The following ALDH1A2 variants were observed in gnomAD, a reference collection of about 807,000 sequenced individuals.
ALDH1A2 encodes retinal dehydrogenase 2.
ALDH1A2 carries 27 observed loss-of-function variants against 60.3 expected under a neutral mutation model. The observed-to-expected ratio is 0.45, with a 90% CI of 0.33 to 0.62. The LOEUF (loss-of-function observed/expected upper bound fraction) is 0.62. Among genes scored for constraint, ALDH1A2 ranks in the 20% least tolerant of loss-of-function variants. The probability of loss-of-function intolerance (pLI) is 0.02; values close to 1 mark genes in which losing one functional copy is unlikely to be tolerated. For missense variants in ALDH1A2, 581 were observed against 643.8 expected (o/e 0.90, Z 1.06); for synonymous variants, 289 against 232.4 (o/e 1.24, Z -2.21).
In ALDH1A2 at chr15:58,010,630, G is replaced by C; in HGVS notation, c.493+19C>G. ...GTGGTTTCACGTTTTCCTTTTCAACGTACTCAGATTTCACATACCTACAGG... is the reference window on the plus strand; with the variant it reads ...GTGGTTTCACGTTTTCCTTTTCAACCTACTCAGATTTCACATACCTACAGG... On this transcript the variant is annotated intron_variant, in intron 4 of 12. Coordinates refer to ENST00000249750, the MANE Select transcript of ALDH1A2 (RefSeq NM_003888.4). 1.2e-6 allele frequency: 2 copies of C among 1,611,472 alleles called. No homozygotes were observed. Among genetic ancestry groups the C allele is most frequent in the Non-Finnish European group, 1.7e-6 (2 of 1,178,192 alleles).
At chr15:57,977,023 GCTT>G (rs1213949920) in intron 7 of ALDH1A2, among the ~76,000 whole-genome samples, 1 of 151,592 alleles carries the variant, frequency 6.6e-6, no homozygotes, top group Non-Finnish European at 1.5e-5. Flanking sequence ...GTAATGATGA[GCTT>G]TTTTTCATGT....
chr15:57,982,205 A>G (rs1490992867), intron 7 of ALDH1A2, among the ~76,000 whole-genome samples: 1 of 152,192 alleles, frequency 6.6e-6, no homozygotes, highest in Non-Finnish European at 1.5e-5. Context: ...CTCACAATCC[A>G]TGAGGTAGGT....
intron 4 of ALDH1A2, among the ~76,000 whole-genome samples, chr15:58,006,449 A>G (rs1895461698): frequency 6.6e-6 from 1 of 151,936 alleles, no homozygotes; most frequent in African/African-American, 2.4e-5. Context: ...ATATTTTTGC[A>G]GTTTCAAATT....
intron 10 of ALDH1A2, 119 bp from the exon 11 acceptor site, chr15:57,961,413 C>T: frequency 7.9e-7 from 1 of 1,266,796 alleles, no homozygotes; most frequent in Non-Finnish European, 1.1e-6. Flanking sequence ...TTTAGCAGTA[C>T]AAAACTGTAA....
intron 12 of ALDH1A2, among the ~76,000 whole-genome samples, chr15:57,958,828 A>T (rs370811735): frequency 1.3e-5 from 2 of 151,560 alleles, no homozygotes; most frequent in South Asian, 2.1e-4. Flanking sequence ...AGACAAACAA[A>T]CAAACAAACA....
At chr15:57,967,355 C>G (rs1351766350) in intron 7 of ALDH1A2, among the ~76,000 whole-genome samples, 1 of 152,128 alleles carries the variant, frequency 6.6e-6, no homozygotes, top group Admixed American at 6.5e-5. Context: ...GCCTGGCACA[C>G]AGTAAGTGTG....
At chr15:58,058,544 G>A (rs1896950964) in intron 1 of ALDH1A2, among the ~76,000 whole-genome samples, 1 of 150,050 alleles carries the variant, frequency 6.7e-6, no homozygotes, top group African/African-American at 2.4e-5. Context: ...TGAAAATAAT[G>A]TAAAATAAAA....
At chr15:58,010,524 C>A in intron 4 of ALDH1A2, 125 bp downstream of exon 4, 1 of 1,294,048 alleles carries the variant, frequency 7.7e-7, no homozygotes, top group Admixed American at 2.2e-5. Flanking sequence ...GTTCTTCACT[C>A]AGTTCTAACT....
rs1289391679 is a variant in ALDH1A2 at position 57,984,390 on chromosome 15, A to G, written c.798+8315T>C. ...CAGCTTGAGATATAACTCATATACC[A>G]TAAAATCCACTCTTTTGATGTGTAC... On this transcript the variant is annotated intron_variant, in intron 7 of 12. Coordinates refer to ENST00000249750, the MANE Select transcript of ALDH1A2 (RefSeq NM_003888.4). Among the ~76,000 whole-genome samples the G allele has an allele frequency of 2.0e-5, 3 of 152,250 alleles. No individual in the cohort carries two copies. In the East Asian group the frequency reaches 5.8e-4, roughly 29 times the overall value.
At chr15:57,977,545 G>A (rs1047347968) in intron 7 of ALDH1A2, among the ~76,000 whole-genome samples, 9 of 152,240 alleles carry the variant, frequency 5.9e-5, no homozygotes, top group African/African-American at 1.7e-4. Flanking sequence ...TATTTCTGAG[G>A]CCTCTGTTCT....
chr15:57,995,229 AAAAAAAAC>A, intron 4 of ALDH1A2, 90 bp from the exon 5 acceptor site: 19 of 754,454 alleles, frequency 2.5e-5, no homozygotes, highest in Admixed American at 9.6e-5. Flanking sequence ...AAAAAAAAAA[AAAAAAAAC>A]AAACAGAAAT....
intron 1 of ALDH1A2, among the ~76,000 whole-genome samples, chr15:58,043,035 G>A (rs193168337): frequency 1.4e-3 from 217 of 152,040 alleles, no homozygotes; most frequent in African/African-American, 4.8e-3. Flanking sequence ...CACAGGAGGA[G>A]GAGGAAAAGG....
At chr15:57,978,293 A>C (rs12324197) in intron 7 of ALDH1A2, among the ~76,000 whole-genome samples, 64,383 of 152,044 alleles carry the variant, frequency 0.42, 14,628 homozygotes, top group South Asian at 0.71. Flanking sequence ...GAATGCTTCC[A>C]GCTTTTGTCC....
At chr15:58,058,087 C>T (rs1896940547) in intron 1 of ALDH1A2, 1 of 1,533,292 alleles carries the variant, frequency 6.5e-7, no homozygotes, top group South Asian at 1.2e-5. Flanking sequence ...AAGGATTCTG[C>T]CAGCAAGTCC....
chr15:57,965,590 T>C, intron 8 of ALDH1A2, 135 bp downstream of exon 8: 2 of 767,988 alleles, frequency 2.6e-6, no homozygotes, highest in South Asian at 2.9e-5. Flanking sequence ...TAAACCATTT[T>C]CTCCTTAGAG....
In ALDH1A2 at chr15:58,013,838, T is replaced by C. The variant is rs1367288123; in HGVS notation, c.363+20A>G. On this transcript the variant is annotated intron_variant, in intron 3 of 12. Coordinates refer to ENST00000249750, the MANE Select transcript of ALDH1A2 (RefSeq NM_003888.4). ...TGGCAAATGTGGGTTAAAGACTTAA[T>C]GTTTTCTTAGGTTACTTACTGCAAG... 10 of 1,613,966 alleles carry C rather than the reference T, an allele frequency of 6.2e-6. No individual in the cohort carries two copies. The highest frequency in any genetic ancestry group is 5.5e-5 in the South Asian group (5 of 91,072).
intron 1 of ALDH1A2, among the ~76,000 whole-genome samples, chr15:58,026,635 T>C (rs1896087488): frequency 6.6e-6 from 1 of 152,154 alleles, no homozygotes; most frequent in South Asian, 2.1e-4. Flanking sequence ...CATGACAGAT[T>C]GTACGTGGAG....
At chr15:58,056,491 T>A (rs557991362) in intron 1 of ALDH1A2, among the ~76,000 whole-genome samples, 1 of 152,068 alleles carries the variant, frequency 6.6e-6, no homozygotes, top group South Asian at 2.1e-4. Flanking sequence ...TTCTGAAGAC[T>A]ACAAAAAGAA....
At chr15:58,041,756 G>A (rs1287291883) in intron 1 of ALDH1A2, among the ~76,000 whole-genome samples, 1 of 151,892 alleles carries the variant, frequency 6.6e-6, no homozygotes, top group Non-Finnish European at 1.5e-5. Context: ...TGGGGGATAT[G>A]TTCCAAAACT....
Sources: allele counts gnomAD v4.1 joint callset (sites outside exome capture counted in the v4.1 genomes callset), GRCh38; gene constraint gnomAD v4.1.1; transcripts MANE v1.5; gene names NCBI Gene and HGNC (gene_info 2026-07-23, HGNC 2026-07-21).